Variants in DLG2 observed in about 807,000 individuals in gnomAD.
The protein encoded by DLG2 is disks large homolog 2.
A neutral mutation model predicts 132.5 loss-of-function variants in DLG2; 45 were observed. That is an observed-to-expected ratio of 0.34 (90% CI 0.27 to 0.44). The LOEUF (loss-of-function observed/expected upper bound fraction) is 0.44, where lower values mean the gene tolerates loss of function less well. Among genes scored for constraint, DLG2 ranks in the 20% least tolerant of loss-of-function variants. The probability of loss-of-function intolerance (pLI) is 1.00; values close to 1 mark genes in which losing one functional copy is unlikely to be tolerated. For missense variants in DLG2, 1,045 were observed against 1,196.9 expected, an observed-to-expected ratio of 0.87 and a Z score of 1.87; for synonymous variants, 424 against 419.6, an observed-to-expected ratio of 1.01 and a Z score of -0.13.
chr11:84,699,284 T>C (rs1269669379), intron 6 of DLG2, among the ~76,000 whole-genome samples: 25 of 151,692 alleles, frequency 1.6e-4, no homozygotes, highest in Non-Finnish European at 4.4e-5. Context: ...GTTAGTGGTG[T>C]AGAAATTTAC....
At chr11:85,476,234 A>G (rs536239247) in intron 3 of DLG2, among the ~76,000 whole-genome samples, 3 of 152,134 alleles carry the variant, frequency 2.0e-5, no homozygotes, top group Non-Finnish European at 2.9e-5. Flanking sequence ...GAAAAGGTAC[A>G]GTAAATATAT....
chr11:84,165,386 A>C (rs1041487327), intron 8 of DLG2, among the ~76,000 whole-genome samples: 3 of 152,212 alleles, frequency 2.0e-5, no homozygotes, highest in African/African-American at 7.2e-5. Context: ...TAGGATCCTA[A>C]ATGCTGACTC....
chr11:84,676,052 G>A (rs2099710882), intron 6 of DLG2, among the ~76,000 whole-genome samples: 1 of 152,060 alleles, frequency 6.6e-6, no homozygotes, highest in African/African-American at 2.4e-5. Flanking sequence ...ACATATTCCA[G>A]TCTAGTCTGA....
intron 4 of DLG2, among the ~76,000 whole-genome samples, chr11:85,280,499 C>T (rs1455895998): frequency 6.6e-6 from 1 of 152,042 alleles, no homozygotes; most frequent in Non-Finnish European, 1.5e-5. Context: ...TGGCCCAGTG[C>T]TGTTACTGTA....
intron 13 of DLG2, 37 bp downstream of exon 13, chr11:83,965,287 G>A (rs202100012): frequency 6.4e-7 from 1 of 1,571,992 alleles, no homozygotes; most frequent in Non-Finnish European, 8.6e-7. Flanking sequence ...AGTTCTGCAA[G>A]TCTGGCATGC....
chr11:83,874,791 G>C (rs1349870110), intron 15 of DLG2, among the ~76,000 whole-genome samples: 1 of 152,052 alleles, frequency 6.6e-6, no homozygotes, highest in African/African-American at 2.4e-5. Context: ...TTTGGTGATA[G>C]GTAGAACCCT....
At chr11:84,833,481 A>G (rs536546892) in intron 6 of DLG2, among the ~76,000 whole-genome samples, 1 of 151,736 alleles carries the variant, frequency 6.6e-6, no homozygotes, top group East Asian at 2.0e-4. Context: ...AGTATTTTAC[A>G]CACATCCTAT....
chr11:84,136,996 A>T (rs1595932804), intron 9 of DLG2, among the ~76,000 whole-genome samples: 3 of 152,172 alleles, frequency 2.0e-5, no homozygotes, highest in Non-Finnish European at 1.5e-5. Context: ...CAGAAAAAAA[A>T]CACTACAAAC....
chr11:84,667,854 C>A (rs2099701537), intron 6 of DLG2, among the ~76,000 whole-genome samples: 1 of 151,868 alleles, frequency 6.6e-6, no homozygotes, highest in Non-Finnish European at 1.5e-5. Flanking sequence ...TCCTTGTGTC[C>A]CCACCCAAAA....
At position 84,040,690 on chromosome 11, in the gene DLG2, C is replaced by A. The variant is rs1300257151; in HGVS notation, c.919+18625G>T. Reference sequence around the variant, plus strand: ...GCTTTGTTCTTTTGGCTTAGGATTGCCTTGGTGATGCGGGCTCTTTTTTGG... The same window carrying A: ...GCTTTGTTCTTTTGGCTTAGGATTGACTTGGTGATGCGGGCTCTTTTTTGG... On this transcript the variant is annotated intron_variant, in intron 11 of 27. Transcript: ENST00000376104. Among the ~76,000 whole-genome samples the A allele has an allele frequency of 1.3e-4, 20 of 150,296 alleles. No homozygotes were observed. The South Asian group carries it at 1.7e-3, about 13-fold the overall frequency.
intron 11 of DLG2, among the ~76,000 whole-genome samples, chr11:83,996,104 T>C (rs2154186612): frequency 6.6e-6 from 1 of 152,142 alleles, no homozygotes; most frequent in East Asian, 1.9e-4. Context: ...CAAGAATATG[T>C]AAGGAACTCA....
intron 22 of DLG2, among the ~76,000 whole-genome samples, chr11:83,482,379 C>G (rs1173005152): frequency 1.3e-5 from 2 of 151,916 alleles, no homozygotes; most frequent in African/African-American, 4.8e-5. Context: ...GCAAAAGACA[C>G]AAAACTCTGT....
intron 7 of DLG2, among the ~76,000 whole-genome samples, chr11:84,515,039 A>G (rs1027044504): frequency 2.0e-5 from 3 of 151,916 alleles, no homozygotes; most frequent in African/African-American, 7.2e-5. Context: ...GAAAGCAAAA[A>G]CATGATAGAC....
At chr11:85,213,702 C>T (rs943910477) in intron 4 of DLG2, among the ~76,000 whole-genome samples, 5 of 152,098 alleles carry the variant, frequency 3.3e-5, no homozygotes, top group African/African-American at 1.2e-4. Context: ...CCCTGCAGTT[C>T]TGAACTACCA....
intron 22 of DLG2, among the ~76,000 whole-genome samples, chr11:83,475,644 G>A (rs540381419): frequency 1.3e-5 from 2 of 151,492 alleles, no homozygotes; most frequent in African/African-American, 4.9e-5. Context: ...AAACCAGGTC[G>A]GGGTTATTAA....
intron 18 of DLG2, chr11:83,652,136 G>GT (rs1245459961): frequency 1.4e-4 from 40 of 279,184 alleles, no homozygotes; most frequent in South Asian, 1.0e-3. Context: ...GTTATTTTGT[G>GT]TTTTTTTGGT....
At chr11:85,234,380 C>A (rs1337792811) in intron 4 of DLG2, among the ~76,000 whole-genome samples, 1 of 151,920 alleles carries the variant, frequency 6.6e-6, no homozygotes, top group Non-Finnish European at 1.5e-5. Context: ...CATTATACAG[C>A]GTGCACAGAA....
At chr11:85,511,425 A>G (rs2094066476) in intron 3 of DLG2, among the ~76,000 whole-genome samples, 1 of 152,032 alleles carries the variant, frequency 6.6e-6, no homozygotes, top group African/African-American at 2.4e-5. Context: ...CAGTAAGAAG[A>G]CAATAGATTT....
intron 4 of DLG2, among the ~76,000 whole-genome samples, chr11:85,221,956 G>A (rs1462757317): frequency 7.2e-6 from 1 of 139,502 alleles, no homozygotes; most frequent in African/African-American, 2.7e-5. Context: ...TTTTTTTCTT[G>A]AGACAGAGTC....
Sources: allele counts gnomAD v4.1 joint callset (sites outside exome capture counted in the v4.1 genomes callset), GRCh38; gene constraint gnomAD v4.1.1; transcripts MANE v1.5; gene names NCBI Gene and HGNC (gene_info 2026-07-23, HGNC 2026-07-21).